TRABD2A: variants seen among roughly 807,000 people sequenced by gnomAD.
TRABD2A encodes the protein TraB domain containing 2A.
Under a neutral mutation model 45.6 loss-of-function variants are expected in TRABD2A, and 43 were observed. That is an observed-to-expected ratio of 0.94 (90% CI 0.74 to 1.22). The LOEUF is 1.22. TRABD2A is among the 50% of genes most tolerant of loss of function. The pLI is 0.00. For missense variants in TRABD2A, 642 were observed against 652.4 expected, an observed-to-expected ratio of 0.98 and a Z score of 0.17; for synonymous variants, 269 against 265.0, an observed-to-expected ratio of 1.02 and a Z score of -0.15.
rs1380636430 is a variant in TRABD2A at position 84,876,879 on chromosome 2, A to G, written c.108+4053T>C. Among the ~76,000 whole-genome samples the G allele has an allele frequency of 6.6e-5, 10 of 152,198 alleles. 1 individual carries two copies. The highest frequency in any genetic ancestry group is 1.4e-4 in the African/African-American group (6 of 41,446). On this transcript the variant is annotated intron_variant, in intron 1 of 6. Transcript: ENST00000409520. Reference sequence around the variant, plus strand: ...CCACCTTTCCCATTTTCTCTTTTCAAGTTAACACAGCTCAGGGGCTTTTCT... The same window carrying G: ...CCACCTTTCCCATTTTCTCTTTTCAGGTTAACACAGCTCAGGGGCTTTTCT...
intron 2 of TRABD2A, among the ~76,000 whole-genome samples, chr2:84,864,921 C>G (rs1682627639): frequency 6.6e-6 from 1 of 152,184 alleles, no homozygotes; most frequent in Non-Finnish European, 1.5e-5. Context: ...CTCCAGCATC[C>G]ACCTAGCCCT....
intron 2 of TRABD2A, among the ~76,000 whole-genome samples, chr2:84,856,990 G>A (rs779740812): frequency 2.0e-5 from 3 of 152,154 alleles, no homozygotes; most frequent in East Asian, 1.9e-4. Context: ...AGGAAGAGTC[G>A]CCAGAGCTGT....
At chr2:84,871,698 G>A (rs1479980491) in intron 1 of TRABD2A, among the ~76,000 whole-genome samples, 1 of 152,072 alleles carries the variant, frequency 6.6e-6, no homozygotes, top group East Asian at 1.9e-4. Context: ...TATTGGCCAG[G>A]CTGGTCTCAA....
rs1386320624 is a variant in TRABD2A at position 84,870,355 on chromosome 2, A to G, written c.539T>C (p.Ile180Thr). ...TAAGACAGGCACTCCACGGGACTTA[A>G]TGTCCACTTCAGTCAGGGAGTTGAC... ...LMVNSLTEVD[I>T]KSRGVPVLDL... is the part of the protein sequence containing the mutation. The change falls in exon 2 of 7, where the codon ATT becomes ACT. Residue 180 changes from isoleucine (I) to threonine (T), a missense_variant. Transcript: ENST00000409520. 7 of 1,614,010 alleles carry G rather than the reference A, an allele frequency of 4.3e-6. No individual in the cohort carries two copies. Among genetic ancestry groups the G allele is most frequent in the Non-Finnish European group, 5.1e-6 (6 of 1,179,892 alleles).
At chr2:84,871,747 A>C (rs1682876980) in intron 1 of TRABD2A, among the ~76,000 whole-genome samples, 1 of 152,154 alleles carries the variant, frequency 6.6e-6, no homozygotes. Flanking sequence ...AGCCTCCCAA[A>C]GTGCTGGAAT....
intron 4 of TRABD2A, chr2:84,833,407 T>A (rs1681403710): frequency 6.6e-6 from 1 of 152,192 alleles, no homozygotes; most frequent in Non-Finnish European, 1.5e-5. Context: ...AACTGGCAAT[T>A]TAGAACAAGT....
At chr2:84,844,777 C>G (rs1385667526) in intron 2 of TRABD2A, among the ~76,000 whole-genome samples, 1 of 152,188 alleles carries the variant, frequency 6.6e-6, no homozygotes, top group East Asian at 1.9e-4. Context: ...GGCCCAAGTC[C>G]CACATATTCT....
intron 4 of TRABD2A, chr2:84,836,793 ATTC>A (rs973141899): frequency 2.3e-4 from 35 of 151,576 alleles, no homozygotes; most frequent in African/African-American, 8.2e-4. Context: ...ATGTATGTTG[ATTC>A]TTCTTCTGCC....
chr2:84,839,339 G>C lies in TRABD2A; in HGVS notation c.817-16C>G, dbSNP rs949859128. 1.9e-6 allele frequency: 3 copies of C among 1,560,084 alleles called. No individual in the cohort carries two copies. Among genetic ancestry groups the C allele is most frequent in the Non-Finnish European group, 2.6e-6 (3 of 1,156,514 alleles). On this transcript the variant is annotated splice_polypyrimidine_tract_variant and intron_variant, in intron 3 of 6. Transcript: ENST00000409520. ...AATTGGGAACCTCCACCAAAATAAA[G>C]AGAAAAAAAAATAAGGGGCAACAGA... is the stretch of plus-strand genomic sequence containing the variant.
chr2:84,873,456 T>G (rs915094984), intron 1 of TRABD2A, among the ~76,000 whole-genome samples: 1 of 152,174 alleles, frequency 6.6e-6, no homozygotes, highest in African/African-American at 2.4e-5. Context: ...CATTGATTGT[T>G]GAAGTAATAT....
At chr2:84,841,613 T>C (rs1487194339) in intron 3 of TRABD2A, among the ~76,000 whole-genome samples, 1 of 152,196 alleles carries the variant, frequency 6.6e-6, no homozygotes, top group African/African-American at 2.4e-5. Flanking sequence ...GTTAAATCCT[T>C]TGAAGCTTCA....
At chr2:84,876,961 T>C (rs1222671764) in intron 1 of TRABD2A, among the ~76,000 whole-genome samples, 1 of 152,194 alleles carries the variant, frequency 6.6e-6, no homozygotes, top group Non-Finnish European at 1.5e-5. Context: ...AATACTGAAA[T>C]ACTTGCCATA....
intron 2 of TRABD2A, chr2:84,849,706 T>C (rs946793591): frequency 3.3e-5 from 5 of 152,192 alleles, no homozygotes; most frequent in African/African-American, 1.2e-4. Flanking sequence ...AAGAAATGAA[T>C]ACCCGACATG....
At position 84,824,101 on chromosome 2, in the gene TRABD2A, G is replaced by T. The variant is rs1456941112; in HGVS notation, c.1186C>A (p.His396Asn). Residue 396 changes from histidine to asparagine, a missense_variant, in exon 6 of 7, where the codon CAC becomes AAC. Transcript: ENST00000409520. Reference sequence around the variant, plus strand: ...GACACAAGGGGAGGCAGCGTTGAGTGCCCTGAGGATACGGCTTCTGGTGCC... The same window carrying T: ...GACACAAGGGGAGGCAGCGTTGAGTTCCCTGAGGATACGGCTTCTGGTGCC... ...VPAPEAVSSG[H>N]STLPPLVSRP... 2 of 1,613,914 alleles carry T rather than the reference G, an allele frequency of 1.2e-6. No homozygotes were observed. Among genetic ancestry groups the T allele is most frequent in the Non-Finnish European group, 1.7e-6 (2 of 1,179,838 alleles).
At chr2:84,846,880 C>A (rs1425155714) in intron 2 of TRABD2A, among the ~76,000 whole-genome samples, 1 of 152,214 alleles carries the variant, frequency 6.6e-6, no homozygotes, top group Non-Finnish European at 1.5e-5. Context: ...ACTCAAGGTG[C>A]CTGTTCGCAC....
chr2:84,847,494 A>C (rs760572567), intron 2 of TRABD2A, among the ~76,000 whole-genome samples: 3 of 152,176 alleles, frequency 2.0e-5, no homozygotes, highest in Non-Finnish European at 4.4e-5. Flanking sequence ...CCTCACATGA[A>C]TCAGCTGAAC....
intron 1 of TRABD2A, chr2:84,874,803 G>T: frequency 8.7e-6 from 2 of 229,968 alleles, no homozygotes; most frequent in East Asian, 1.2e-4. Context: ...TGACCATTCA[G>T]AACAGAGAGG....
At chr2:84,831,279 T>C (rs1681328817) in intron 5 of TRABD2A, among the ~76,000 whole-genome samples, 1 of 152,164 alleles carries the variant, frequency 6.6e-6, no homozygotes, top group Non-Finnish European at 1.5e-5. Flanking sequence ...ACCAGTCCCG[T>C]TGACACCTTG....
intron 4 of TRABD2A, chr2:84,838,136 T>C (rs1681583294): frequency 1.5e-6 from 1 of 686,840 alleles, no homozygotes; most frequent in African/African-American, 1.8e-5. Context: ...AGGATGGAGC[T>C]TTGGAGGAAC....
Sources: allele counts gnomAD v4.1 joint callset (sites outside exome capture counted in the v4.1 genomes callset), GRCh38; gene constraint gnomAD v4.1.1; transcripts MANE v1.5; gene names NCBI Gene and HGNC (gene_info 2026-07-23, HGNC 2026-07-21).